The following PTPN13 variants were observed in gnomAD, a reference collection of about 807,000 sequenced individuals.
PTPN13 encodes the protein protein tyrosine phosphatase non-receptor type 13.
PTPN13 carries 191 observed loss-of-function variants against 284.0 expected under a neutral mutation model. That is an observed-to-expected ratio of 0.67 (90% CI 0.60 to 0.76). The LOEUF (loss-of-function observed/expected upper bound fraction) is 0.76. PTPN13 is among the 30% of genes least tolerant of loss of function. PTPN13 has a pLI of 0.00. For missense variants in PTPN13, 2,797 were observed against 2,939.9 expected (o/e 0.95, Z 1.12); for synonymous variants, 986 against 1,022.3 (o/e 0.96, Z 0.68).
At chr4:86,696,570 T>C (rs1362103133) in intron 6 of PTPN13, among the ~76,000 whole-genome samples, 1 of 152,018 alleles carries the variant, frequency 6.6e-6, no homozygotes, top group Non-Finnish European at 1.5e-5. Flanking sequence ...CTAAGAAAGA[T>C]TTAGTATTAT....
At chr4:86,715,588 T>C (rs1252312009) in intron 7 of PTPN13, among the ~76,000 whole-genome samples, 4 of 152,140 alleles carry the variant, frequency 2.6e-5, no homozygotes, top group Non-Finnish European at 5.9e-5. Context: ...TGAGACCCTG[T>C]CTCTAAAAAA....
chr4:86,771,650 T>A, intron 31 of PTPN13, 115 bp downstream of exon 31: 1 of 1,159,516 alleles, frequency 8.6e-7, no homozygotes, highest in Non-Finnish European at 1.2e-6. Flanking sequence ...TTCACAGTGG[T>A]TAGGCAGAGG....
At chr4:86,640,980 A>G (rs1200471865) in intron 2 of PTPN13, among the ~76,000 whole-genome samples, 1 of 152,172 alleles carries the variant, frequency 6.6e-6, no homozygotes, top group Non-Finnish European at 1.5e-5. Flanking sequence ...AAGATTACCA[A>G]TTGTTATGAT....
intron 7 of PTPN13, among the ~76,000 whole-genome samples, chr4:86,703,857 A>T (rs964596996): frequency 2.6e-5 from 4 of 152,110 alleles, no homozygotes; most frequent in African/African-American, 9.7e-5. Context: ...CAACAAAGCG[A>T]GACTCTGTCT....
intron 7 of PTPN13, among the ~76,000 whole-genome samples, chr4:86,709,413 T>TAATA: frequency 6.6e-6 from 1 of 152,312 alleles, no homozygotes; most frequent in East Asian, 1.9e-4. Context: ...ACCTGACATA[T>TAATA]AATAGGTACT....
At chr4:86,635,471 C>T in intron 2 of PTPN13, 100 bp downstream of exon 2, 1 of 1,490,278 alleles carries the variant, frequency 6.7e-7, no homozygotes, top group East Asian at 2.5e-5. Flanking sequence ...TTCATTATTC[C>T]TGTGCCTTTG....
chr4:86,778,741 A>G (rs1578649088), intron 35 of PTPN13, among the ~76,000 whole-genome samples: 1 of 152,268 alleles, frequency 6.6e-6, no homozygotes, highest in Non-Finnish European at 1.5e-5. Flanking sequence ...AAAGTGGAGG[A>G]AAGTAGAAAT....
intron 2 of PTPN13, among the ~76,000 whole-genome samples, chr4:86,650,637 T>G (rs909348665): frequency 2.0e-5 from 3 of 152,228 alleles, no homozygotes; most frequent in African/African-American, 7.2e-5. Flanking sequence ...ATCTTCTGCT[T>G]CTTTGGTTAA....
At chr4:86,800,465 C>T (rs191124715) in intron 42 of PTPN13, among the ~76,000 whole-genome samples, 5 of 151,970 alleles carry the variant, frequency 3.3e-5, no homozygotes, top group Middle Eastern at 3.4e-3. Flanking sequence ...CCAGCCTGAC[C>T]AACAGGCAAA....
intron 17 of PTPN13, among the ~76,000 whole-genome samples, chr4:86,745,606 C>T (rs1049990385): frequency 1.3e-5 from 2 of 152,052 alleles, no homozygotes; most frequent in Non-Finnish European, 2.9e-5. Context: ...GAAACCCTGT[C>T]TCTACTAAAA....
chr4:86,739,959 T>C (rs1379957864), intron 15 of PTPN13, among the ~76,000 whole-genome samples: 3 of 152,230 alleles, frequency 2.0e-5, no homozygotes, highest in Non-Finnish European at 4.4e-5. Flanking sequence ...TGACTGCATG[T>C]CTCACATCCG....
intron 20 of PTPN13, 36 bp from the exon 21 acceptor site, chr4:86,758,224 T>C (rs1055828177): frequency 2.1e-6 from 3 of 1,416,486 alleles, no homozygotes; most frequent in Non-Finnish European, 2.9e-6. Flanking sequence ...TGCCTGAGCA[T>C]GTTATATTTA....
chr4:86,602,342 C>A (rs553734333), intron 1 of PTPN13, among the ~76,000 whole-genome samples: 1 of 152,032 alleles, frequency 6.6e-6, no homozygotes, highest in Non-Finnish European at 1.5e-5. Context: ...AGGATGATAA[C>A]CAAGCCTACT....
chr4:86,744,410 T>G (rs572306268), intron 16 of PTPN13, among the ~76,000 whole-genome samples: 40 of 152,318 alleles, frequency 2.6e-4, no homozygotes, highest in Middle Eastern at 6.8e-3. Context: ...ATCAATAATC[T>G]TATCAAAGGA....
chr4:86,691,939 A>G (rs1730070384), intron 5 of PTPN13, among the ~76,000 whole-genome samples: 1 of 152,230 alleles, frequency 6.6e-6, no homozygotes, highest in Admixed American at 6.5e-5. Context: ...ATTTAATGTT[A>G]TAATATTTGG....
At chr4:86,642,449 CTT>C (rs1241682151) in intron 2 of PTPN13, among the ~76,000 whole-genome samples, 1 of 27,456 alleles carries the variant, frequency 3.6e-5, no homozygotes, top group African/African-American at 1.3e-4. Context: ...TCTTCTTCTT[CTT>C]TTTTTTTTTT....
intron 2 of PTPN13, among the ~76,000 whole-genome samples, chr4:86,638,125 C>T (rs1017829595): frequency 3.6e-4 from 55 of 152,146 alleles, no homozygotes; most frequent in Middle Eastern, 3.4e-3. Flanking sequence ...TTACAAGGAA[C>T]GTGAAGGACC....
intron 12 of PTPN13, among the ~76,000 whole-genome samples, chr4:86,733,252 T>G (rs1258292086): frequency 6.6e-6 from 1 of 152,120 alleles, no homozygotes; most frequent in Non-Finnish European, 1.5e-5. Flanking sequence ...ACCCATGATG[T>G]TCACAACCAC....
At chr4:86,668,337 A>T (rs1000162764) in intron 2 of PTPN13, among the ~76,000 whole-genome samples, 1 of 152,184 alleles carries the variant, frequency 6.6e-6, no homozygotes, top group African/African-American at 2.4e-5. Context: ...GTTAGACAAG[A>T]TGAGTGAATT....
Sources: gnomAD v4.1 joint callset for allele counts (sites outside exome capture counted in the v4.1 genomes callset) on GRCh38, gnomAD v4.1.1 for gene constraint, MANE v1.5 for transcripts, NCBI Gene and HGNC (gene_info 2026-07-23, HGNC 2026-07-21) for gene names.